The following SMARCA2 variants were observed in gnomAD, a reference collection of about 807,000 sequenced individuals.
SMARCA2 encodes SWI/SNF related BAF chromatin remodeling complex subunit ATPase 2.
A neutral mutation model predicts 199.8 loss-of-function variants in SMARCA2; 61 were observed. The ratio of observed to expected loss-of-function variants is 0.31; its 90% CI spans 0.25 to 0.38. The LOEUF is 0.38. SMARCA2 is among the 10% of genes least tolerant of loss of function. The pLI is 1.00. For missense variants in SMARCA2, 1,344 were observed against 2,012.2 expected, an observed-to-expected ratio of 0.67 and a Z score of 6.35; for synonymous variants, 935 against 732.0, an observed-to-expected ratio of 1.28 and a Z score of -4.48.
chr9:2,118,117 G>A (rs1275955538), intron 25 of SMARCA2, among the ~76,000 whole-genome samples: 1 of 152,180 alleles, frequency 6.6e-6, no homozygotes, highest in Non-Finnish European at 1.5e-5. Flanking sequence ...TCCAGGTGAT[G>A]AGAGGGTAAT....
chr9:2,050,567 T>A (rs7874433), intron 5 of SMARCA2, among the ~76,000 whole-genome samples: 31,824 of 151,992 alleles, frequency 0.21, 4,563 homozygotes, highest in African/African-American at 0.41. Context: ...GACTTTAGTA[T>A]GAAAAGAGCG....
At chr9:2,053,485 G>C (rs976319436) in intron 5 of SMARCA2, among the ~76,000 whole-genome samples, 1 of 152,090 alleles carries the variant, frequency 6.6e-6, no homozygotes, top group Admixed American at 6.5e-5. Context: ...TAGCTCTGTG[G>C]TATCTCCAGG....
intron 29 of SMARCA2, among the ~76,000 whole-genome samples, chr9:2,174,669 C>A (rs1348683773): frequency 6.6e-6 from 1 of 152,008 alleles, no homozygotes; most frequent in Non-Finnish European, 1.5e-5. Flanking sequence ...CCTGTAATTC[C>A]CAGCACTTTG....
At chr9:2,139,836 G>T (rs1824381226) in intron 27 of SMARCA2, among the ~76,000 whole-genome samples, 1 of 152,192 alleles carries the variant, frequency 6.6e-6, no homozygotes, top group South Asian at 2.1e-4. Flanking sequence ...CATCTTAGCA[G>T]AATTCAGGCC....
chr9:2,184,257 C>G (rs1237602745), intron 31 of SMARCA2, among the ~76,000 whole-genome samples: 1 of 151,946 alleles, frequency 6.6e-6, no homozygotes, highest in Non-Finnish European at 1.5e-5. Context: ...TAAGATCATT[C>G]GAGACTCACA....
At chr9:2,128,808 G>A (rs7030652) in intron 27 of SMARCA2, among the ~76,000 whole-genome samples, 47,012 of 151,986 alleles carry the variant, frequency 0.31, 12,132 homozygotes, top group African/African-American at 0.7. Flanking sequence ...TTTCCACTCA[G>A]TCTCTGCCTC....
At chr9:2,048,304 C>CA (rs1819969578) in intron 5 of SMARCA2, among the ~76,000 whole-genome samples, 1 of 152,146 alleles carries the variant, frequency 6.6e-6, no homozygotes, top group Non-Finnish European at 1.5e-5. Flanking sequence ...TGGAGTCTGC[C>CA]AGAAAGCATA....
At chr9:2,057,220 G>A (rs1408636043) in intron 7 of SMARCA2, among the ~76,000 whole-genome samples, 1 of 152,196 alleles carries the variant, frequency 6.6e-6, no homozygotes, top group African/African-American at 2.4e-5. Flanking sequence ...GCTGGGCTCT[G>A]GTGAGGGTCT....
rs561302350 is a variant in SMARCA2, at chr9:2,092,973, T to G, written c.2884-3684T>G. 3.6e-4 allele frequency among the ~76,000 whole-genome samples: 55 copies of G among 152,332 alleles called. No individual in the cohort carries two copies. The South Asian group carries it at 0.011, about 31-fold the overall frequency. On this transcript the variant is annotated intron_variant, in intron 19 of 33. Transcript: ENST00000349721. ...TAAAAACTTCTCTCGTCACTGTGATTCAGTGTGGTGGCTGTATAATTGTTC... is the reference window on the plus strand; with the variant it reads ...TAAAAACTTCTCTCGTCACTGTGATGCAGTGTGGTGGCTGTATAATTGTTC...
In SMARCA2 at chr9:2,153,671, C is replaced by A. The variant is rs77278056; in HGVS notation, c.3982-8015C>A. 1.6e-4 allele frequency among the ~76,000 whole-genome samples: 24 copies of A among 151,948 alleles called. 1 individual carries two copies. In the East Asian group the frequency reaches 4.4e-3, roughly 28 times the overall value. On this transcript the variant is annotated intron_variant, in intron 27 of 33. Coordinates refer to ENST00000349721, the MANE Select transcript of SMARCA2 (RefSeq NM_003070.5). ...GCTTATTTTACTAGTTTTTTCCTTC[C>A]CCTCTACATGTATGAGTTTTTAATG...
chr9:2,189,098 G>A (rs1827695779), intron 32 of SMARCA2, among the ~76,000 whole-genome samples: 5 of 152,150 alleles, frequency 3.3e-5, no homozygotes. Flanking sequence ...CCATCTCAGG[G>A]TCAGACAATT....
At chr9:2,031,462 A>G (rs540896911) in intron 2 of SMARCA2, among the ~76,000 whole-genome samples, 2 of 152,348 alleles carry the variant, frequency 1.3e-5, no homozygotes, top group Non-Finnish European at 1.5e-5. Flanking sequence ...CTTCAAAATG[A>G]AAGATAAAAT....
chr9:2,150,505 G>T (rs368770019), intron 27 of SMARCA2, among the ~76,000 whole-genome samples: 1 of 151,554 alleles, frequency 6.6e-6, no homozygotes, highest in African/African-American at 2.4e-5. Context: ...GCTGTGGGTG[G>T]GGCAGTTTCC....
At chr9:2,081,715 T>G (rs1298701150) in intron 14 of SMARCA2, 117 bp from the exon 15 acceptor site, 5 of 807,310 alleles carry the variant, frequency 6.2e-6, no homozygotes, top group Non-Finnish European at 9.9e-6. Flanking sequence ...TTTCCTACTG[T>G]GGGAAACCCA....
intron 1 of SMARCA2, among the ~76,000 whole-genome samples, chr9:2,025,162 A>G (rs932625949): frequency 3.3e-5 from 5 of 152,168 alleles, no homozygotes; most frequent in South Asian, 2.1e-4. Context: ...CTTCTTTTTA[A>G]AAACACACAC....
At chr9:2,138,131 CT>C (rs1227232323) in intron 27 of SMARCA2, among the ~76,000 whole-genome samples, 3 of 152,056 alleles carry the variant, frequency 2.0e-5, no homozygotes, top group Admixed American at 1.3e-4. Flanking sequence ...TTTATAACAG[CT>C]GTCTTCTAGC....
At chr9:2,074,399 C>G (rs1258290881) in intron 12 of SMARCA2, among the ~76,000 whole-genome samples, 4 of 152,014 alleles carry the variant, frequency 2.6e-5, no homozygotes, top group African/African-American at 9.7e-5. Flanking sequence ...GTATAGGTGC[C>G]GAGGACAAGG....
In SMARCA2 at chr9:2,119,626, G is replaced by A. The variant is rs1823364826; in HGVS notation, c.3762+91G>A. 1.4e-5 allele frequency: 12 copies of A among 839,160 alleles called. No individual in the cohort carries two copies. In the South Asian group the frequency reaches 1.7e-4, roughly 12 times the overall value. 52.0% of individuals were successfully genotyped at this position (839,160 alleles called of 1,614,324 possible). Reference sequence around the variant, plus strand: ...ATGTCTGCAGCCTGCGTGCCTGGCAGAACTTCATACGTAAAGCCTATGCCT... The same window carrying A: ...ATGTCTGCAGCCTGCGTGCCTGGCAAAACTTCATACGTAAAGCCTATGCCT... On this transcript the variant is annotated intron_variant, in intron 26 of 33. Transcript: ENST00000349721. This position sits in a 1 kb window ranked among gnomAD's most constrained non-coding sequence, Gnocchi z 4.6.
rs200788037 is a variant in SMARCA2 at position 2,046,826 on chromosome 9, TAAAAAA to T, written c.791-401_791-396del. ...TCTGAACTCTCAATGCACCTGTAATTAAAAAAAGAAAAAGAAAGAAACCCATTGCAG... is the reference window on the plus strand; with the variant it reads ...TCTGAACTCTCAATGCACCTGTAATTAGAAAAAGAAAGAAACCCATTGCAG... On this transcript the variant is annotated intron_variant, in intron 4 of 33. Transcript: ENST00000349721. Among the ~76,000 whole-genome samples the T allele has an allele frequency of 6.7e-3, 1,026 of 152,030 alleles. 6 individuals carry two copies. The highest frequency in any genetic ancestry group is 0.02 in the Middle Eastern group (6 of 294).
Sources: gnomAD v4.1 joint callset for allele counts (sites outside exome capture counted in the v4.1 genomes callset) on GRCh38, gnomAD v4.1.1 for gene constraint, Gnocchi (gnomAD v3.1) non-coding constraint, MANE v1.5 for transcripts, NCBI Gene and HGNC (gene_info 2026-07-23, HGNC 2026-07-21) for gene names.